Variants in THSD4 observed in about 807,000 individuals in gnomAD.
THSD4 encodes the protein thrombospondin type 1 domain containing 4.
THSD4 carries 69 observed loss-of-function variants against 119.0 expected under a neutral mutation model. That is an observed-to-expected ratio of 0.58 (90% CI 0.48 to 0.71). The LOEUF is 0.71. THSD4 is among the 30% of genes least tolerant of loss of function. The pLI is 0.00. For missense variants in THSD4, 1,393 were observed against 1,391.1 expected (o/e 1.00, Z -0.02); for synonymous variants, 524 against 540.4 (o/e 0.97, Z 0.42).
chr15:71,474,230 T>A (rs1274842589), intron 7 of THSD4, among the ~76,000 whole-genome samples: 1 of 152,106 alleles, frequency 6.6e-6, no homozygotes, highest in Non-Finnish European at 1.5e-5. Context: ...TATTTTATTT[T>A]TTTTTTTGAG....
chr15:71,139,357 A>G (rs2040580427), intron 1 of THSD4, among the ~76,000 whole-genome samples: 1 of 152,222 alleles, frequency 6.6e-6, no homozygotes, highest in Admixed American at 6.5e-5. Flanking sequence ...GTTGATGGTT[A>G]TCAGGGACTT....
intron 7 of THSD4, among the ~76,000 whole-genome samples, chr15:71,558,696 T>C (rs61507295): frequency 0.35 from 52,670 of 151,974 alleles, 10,565 homozygotes; most frequent in South Asian, 0.48. Context: ...ATCTTGGACT[T>C]CTGGGCTCAA....
At chr15:71,181,790 G>T (rs1378559908) in intron 3 of THSD4, among the ~76,000 whole-genome samples, 1 of 152,204 alleles carries the variant, frequency 6.6e-6, no homozygotes, top group African/African-American at 2.4e-5. Flanking sequence ...CCAGAAAGAA[G>T]CCATAATCAT....
chr15:71,650,601 T>C (rs1029591711), intron 7 of THSD4, among the ~76,000 whole-genome samples: 2 of 152,152 alleles, frequency 1.3e-5, no homozygotes, highest in African/African-American at 4.8e-5. Context: ...GCACCAGCAG[T>C]GTGCTCCAGC....
chr15:71,657,682 T>C (rs1433432429), intron 7 of THSD4, among the ~76,000 whole-genome samples: 1 of 152,146 alleles, frequency 6.6e-6, no homozygotes, highest in Non-Finnish European at 1.5e-5. Context: ...TCACCTTTAG[T>C]TCTTGGCATC....
At chr15:71,661,766 G>A (rs1455944086) in intron 8 of THSD4, among the ~76,000 whole-genome samples, 1 of 152,160 alleles carries the variant, frequency 6.6e-6, no homozygotes, top group Non-Finnish European at 1.5e-5. Context: ...ATATAAGGGA[G>A]CCATTTGTTT....
intron 7 of THSD4, among the ~76,000 whole-genome samples, chr15:71,423,948 G>C (rs1255594194): frequency 6.6e-6 from 1 of 152,130 alleles, no homozygotes; most frequent in Non-Finnish European, 1.5e-5. Flanking sequence ...GCTTTCCACT[G>C]TGACAGGGCA....
intron 8 of THSD4, among the ~76,000 whole-genome samples, chr15:71,728,138 C>T (rs930728850): frequency 6.6e-6 from 1 of 152,156 alleles, no homozygotes; most frequent in Non-Finnish European, 1.5e-5. Flanking sequence ...AGAAGCCAAA[C>T]TAAACCCATT....
intron 2 of THSD4, among the ~76,000 whole-genome samples, chr15:71,150,919 A>G (rs1053012313): frequency 6.6e-6 from 1 of 152,196 alleles, no homozygotes; most frequent in Non-Finnish European, 1.5e-5. Flanking sequence ...AGCTCCTACT[A>G]TATAGCAGCC....
chr15:71,403,337 T>C (rs2046563037), intron 6 of THSD4, among the ~76,000 whole-genome samples: 1 of 152,238 alleles, frequency 6.6e-6, no homozygotes, highest in African/African-American at 2.4e-5. Context: ...GATATAGAAT[T>C]CTAATTTTGA....
chr15:71,275,694 G>A (rs1320783108), intron 6 of THSD4, among the ~76,000 whole-genome samples: 1 of 152,136 alleles, frequency 6.6e-6, no homozygotes, highest in Admixed American at 6.5e-5. Flanking sequence ...ACCTGTTATG[G>A]GAGGGTCCAG....
chr15:71,738,809 C>T (rs547374482), intron 11 of THSD4, among the ~76,000 whole-genome samples: 1 of 152,182 alleles, frequency 6.6e-6, no homozygotes, highest in East Asian at 1.9e-4. Flanking sequence ...CTCCCTTTAC[C>T]ATCCCAGAAG....
At chr15:71,306,067 T>A (rs2045020450) in intron 6 of THSD4, among the ~76,000 whole-genome samples, 1 of 152,086 alleles carries the variant, frequency 6.6e-6, no homozygotes, top group African/African-American at 2.4e-5. Context: ...CAGCACTTTG[T>A]GAGGCTGAGG....
At chr15:71,748,761 G>C (rs1471759086) in intron 14 of THSD4, among the ~76,000 whole-genome samples, 167 bp downstream of exon 14, 1 of 152,180 alleles carries the variant, frequency 6.6e-6, no homozygotes, top group Non-Finnish European at 1.5e-5. Flanking sequence ...CTTATGTGAG[G>C]ACTGAGGGTC....
At chr15:71,217,340 A>G (rs1567160567) in intron 4 of THSD4, among the ~76,000 whole-genome samples, 1 of 152,018 alleles carries the variant, frequency 6.6e-6, no homozygotes, top group Non-Finnish European at 1.5e-5. Flanking sequence ...GTTTGAGGCC[A>G]GGTGCGTTGG....
At chr15:71,141,609 T>G in intron 2 of THSD4, 53 bp downstream of exon 2, 1 of 1,546,120 alleles carries the variant, frequency 6.5e-7, no homozygotes, top group South Asian at 1.2e-5. Context: ...ATTTGATATT[T>G]GCATTTTACT....
chr15:71,470,203 A>C (rs77682031), intron 7 of THSD4, among the ~76,000 whole-genome samples: 1 of 152,122 alleles, frequency 6.6e-6, no homozygotes, highest in African/African-American at 2.4e-5. Context: ...CATAATTACT[A>C]CTAATTTATA....
chr15:71,150,022 G>T, intron 2 of THSD4, among the ~76,000 whole-genome samples: 1 of 151,974 alleles, frequency 6.6e-6, no homozygotes, highest in Admixed American at 6.5e-5. Context: ...TGAAATGTTA[G>T]GTTATTTCAA....
chr15:71,445,080 A>G (rs1461673680), intron 7 of THSD4, among the ~76,000 whole-genome samples: 1 of 152,056 alleles, frequency 6.6e-6, no homozygotes, highest in African/African-American at 2.4e-5. Flanking sequence ...CTCTGTCCCT[A>G]CTTGTTTTTC....
Sources: allele counts gnomAD v4.1 joint callset (sites outside exome capture counted in the v4.1 genomes callset), GRCh38; gene constraint gnomAD v4.1.1; transcripts MANE v1.5; gene names NCBI Gene and HGNC (gene_info 2026-07-23, HGNC 2026-07-21).